The following KCNN3 variants were observed in gnomAD, a reference collection of about 807,000 sequenced individuals.
KCNN3 encodes small conductance calcium-activated potassium channel protein 3.
A neutral mutation model predicts 62.9 loss-of-function variants in KCNN3; 16 were observed. That is an observed-to-expected ratio of 0.25 (90% CI 0.17 to 0.39). The LOEUF (loss-of-function observed/expected upper bound fraction) is 0.39. KCNN3 is among the 10% of genes least tolerant of loss of function. The pLI is 1.00. For missense variants in KCNN3, 599 were observed against 949.4 expected, an observed-to-expected ratio of 0.63 and a Z score of 4.85; for synonymous variants, 370 against 389.2, an observed-to-expected ratio of 0.95 and a Z score of 0.58.
intron 2 of KCNN3, among the ~76,000 whole-genome samples, chr1:154,817,793 G>T (rs1039407136): frequency 6.6e-6 from 1 of 152,210 alleles, no homozygotes; most frequent in African/African-American, 2.4e-5. Context: ...TTCTCATCTA[G>T]AGAACTGGGC....
chr1:154,739,848 C>T (rs1700792787), intron 3 of KCNN3, among the ~76,000 whole-genome samples: 1 of 152,266 alleles, frequency 6.6e-6, no homozygotes, highest in South Asian at 2.1e-4. Flanking sequence ...CCAACCACCA[C>T]ATGAGTAGCT....
Position 154,870,195 on chromosome 1 carries a change from A to G in KCNN3, c.-231T>C, listed in dbSNP as rs1296389805. 1.0e-5 allele frequency: 7 copies of G among 696,722 alleles called. No individual in the cohort carries two copies. The highest frequency in any genetic ancestry group is 2.0e-5 in the Admixed American group (1 of 49,522). The allele number at this position is 696,722 out of a possible 1,614,324, so 43.2% of individuals were successfully genotyped here. A position where few individuals can be genotyped will look rare whatever the true frequency, so the allele number is the denominator to read the frequency against. On this transcript the variant is annotated 5_prime_UTR_variant, in exon 1 of 8. Coordinates refer to ENST00000271915, the MANE Select transcript of KCNN3 (RefSeq NM_002249.6). ...GAGAGCAGGAGGGGAGCTTGGAGAA[A>G]GAAGAGGGGGTGAAAGAACTCTCTC...
chr1:154,797,106 C>T (rs886661457), intron 2 of KCNN3, among the ~76,000 whole-genome samples: 1 of 152,186 alleles, frequency 6.6e-6, no homozygotes, highest in Non-Finnish European at 1.5e-5. Flanking sequence ...GAGGGTAAGA[C>T]CATCTAGAAT....
chr1:154,784,703 C>T (rs1649202575), intron 2 of KCNN3, among the ~76,000 whole-genome samples: 1 of 152,240 alleles, frequency 6.6e-6, no homozygotes, highest in Admixed American at 6.5e-5. Context: ...GCGGCGGTCT[C>T]CATTAACAAT....
chr1:154,865,574 C>T (rs4845677), intron 1 of KCNN3, among the ~76,000 whole-genome samples: 68,906 of 152,056 alleles, frequency 0.45, 16,510 homozygotes, highest in East Asian at 0.88. Context: ...CACCTACAGG[C>T]CTGTGAGGCA....
chr1:154,838,575 C>A (rs1571325556), intron 1 of KCNN3, among the ~76,000 whole-genome samples: 1 of 152,190 alleles, frequency 6.6e-6, no homozygotes, highest in Non-Finnish European at 1.5e-5. Flanking sequence ...TTTCCATGTG[C>A]TTGCTGGGCC....
intron 3 of KCNN3, among the ~76,000 whole-genome samples, chr1:154,739,281 C>A (rs1256837560): frequency 1.3e-5 from 2 of 152,154 alleles, no homozygotes; most frequent in Non-Finnish European, 2.9e-5. Flanking sequence ...AAACTACATG[C>A]AACATTAAAT....
chr1:154,731,646 G>T (rs1001771966), intron 4 of KCNN3, among the ~76,000 whole-genome samples: 4 of 152,204 alleles, frequency 2.6e-5, no homozygotes, highest in Non-Finnish European at 5.9e-5. Context: ...CCAGAAAGAG[G>T]GTCTTCATCT....
chr1:154,823,817 G>A (rs1474069332), intron 1 of KCNN3, among the ~76,000 whole-genome samples: 1 of 152,140 alleles, frequency 6.6e-6, no homozygotes, highest in African/African-American at 2.4e-5. Context: ...TGTGGGGTGA[G>A]GCGGTATGTC....
chr1:154,714,052 G>A (rs1432847801), intron 6 of KCNN3, among the ~76,000 whole-genome samples: 1 of 14,876 alleles, frequency 6.7e-5, no homozygotes, highest in Non-Finnish European at 1.3e-4. Flanking sequence ...TGTGTGCGGG[G>A]TGTGTGTGTG....
intron 2 of KCNN3, among the ~76,000 whole-genome samples, chr1:154,776,143 G>T (rs1648781594): frequency 6.6e-6 from 1 of 152,160 alleles, no homozygotes; most frequent in African/African-American, 2.4e-5. Context: ...GGGGCCACAT[G>T]GGGTAGTGGA....
At chr1:154,769,872 A>T (rs182440720) in intron 3 of KCNN3, among the ~76,000 whole-genome samples, 184 of 152,366 alleles carry the variant, frequency 1.2e-3, no homozygotes, top group African/African-American at 4.2e-3. Flanking sequence ...AGGGATCTGC[A>T]CTATTATTAT....
intron 3 of KCNN3, among the ~76,000 whole-genome samples, chr1:154,742,838 T>C (rs2335249): frequency 0.57 from 87,190 of 152,016 alleles, 25,460 homozygotes; most frequent in East Asian, 0.79. Context: ...CAGGAGCCTC[T>C]CACCTGGGGC....
chr1:154,758,876 C>T (rs144428861), intron 3 of KCNN3, among the ~76,000 whole-genome samples: 9,733 of 151,486 alleles, frequency 0.064, 338 homozygotes, highest in Non-Finnish European at 0.089. Context: ...GGTGTGATCT[C>T]GGCTCACTGC....
chr1:154,778,988 C>A (rs188163578), intron 2 of KCNN3, among the ~76,000 whole-genome samples: 1 of 152,226 alleles, frequency 6.6e-6, no homozygotes, highest in East Asian at 1.9e-4. Flanking sequence ...TGTGATACAG[C>A]AGAGGTTTAA....
At chr1:154,714,175 G>GT (rs1700147558) in intron 6 of KCNN3, among the ~76,000 whole-genome samples, 2 of 53,844 alleles carry the variant, frequency 3.7e-5, no homozygotes, top group Non-Finnish European at 7.9e-5. Context: ...TGTGATGTGT[G>GT]GTGTGTGGTG....
chr1:154,784,843 C>T (rs1334651551), intron 2 of KCNN3, among the ~76,000 whole-genome samples: 1 of 152,218 alleles, frequency 6.6e-6, no homozygotes, highest in South Asian at 2.1e-4. Context: ...ATTTTACAGA[C>T]AGGGAAACTG....
At position 154,708,041 on chromosome 1, in the gene KCNN3, C is replaced by T. The variant is rs1435992851; in HGVS notation, c.2131G>A (p.Asp711Asn). The change falls in exon 8 of 8, where the codon GAT (aspartate) becomes AAT (asparagine). Residue 711 changes from aspartate (D) to asparagine (N), a missense_variant. Asp to Asn is a conservative substitution (Grantham distance 23). Transcript: ENST00000271915. ...AVGTTHTPIS[D>N]SPIGVSSTSF... is the part of the protein sequence containing the mutation. ...GTGGAGCTGACCCCAATGGGGCTAT[C>T]GGAGATTGGGGTGTGGGTGGTGCCC... 5 of 1,613,300 alleles carry T rather than the reference C, an allele frequency of 3.1e-6. No homozygotes were observed. Among genetic ancestry groups the T allele is most frequent in the East Asian group, 2.2e-5 (1 of 44,858 alleles).
At chr1:154,773,034 C>T (rs1380819073) in intron 2 of KCNN3, among the ~76,000 whole-genome samples, 1 of 152,062 alleles carries the variant, frequency 6.6e-6, no homozygotes, top group Admixed American at 6.5e-5. Flanking sequence ...ATTTTAGGTT[C>T]AGGGGTACAT....
Sources: gnomAD v4.1 joint callset for allele counts (sites outside exome capture counted in the v4.1 genomes callset) on GRCh38, gnomAD v4.1.1 for gene constraint, MANE v1.5 for transcripts, NCBI Gene and HGNC (gene_info 2026-07-23, HGNC 2026-07-21) for gene names.